The following MCF2L2 variants were observed in gnomAD, a reference collection of about 807,000 sequenced individuals.
MCF2L2 encodes probable guanine nucleotide exchange factor MCF2L2.
Under a neutral mutation model 150.2 loss-of-function variants are expected in MCF2L2, and 102 were observed. The ratio of observed to expected loss-of-function variants is 0.68; its 90% CI spans 0.58 to 0.80. The LOEUF (loss-of-function observed/expected upper bound fraction) is 0.80, where lower values mean the gene tolerates loss of function less well. MCF2L2 is among the 30% of genes least tolerant of loss of function. The pLI is 0.00. For missense variants in MCF2L2, 1,256 were observed against 1,372.8 expected (o/e 0.91, Z 1.34); for synonymous variants, 465 against 491.3 (o/e 0.95, Z 0.71).
intron 3 of MCF2L2, among the ~76,000 whole-genome samples, chr3:183,361,040 A>AG (rs1336195141): frequency 8.0e-4 from 96 of 119,262 alleles, no homozygotes; most frequent in African/African-American, 2.8e-3. Context: ...GAAAAGGAAG[A>AG]AAGGAAAGGA....
At chr3:183,233,780 T>C (rs548975283) in intron 15 of MCF2L2, among the ~76,000 whole-genome samples, 2 of 152,288 alleles carry the variant, frequency 1.3e-5, no homozygotes, top group South Asian at 2.1e-4. Flanking sequence ...GCTTTTATAA[T>C]GGAAAAATAG....
intron 13 of MCF2L2, among the ~76,000 whole-genome samples, chr3:183,294,906 G>A (rs1161972066): frequency 6.6e-6 from 1 of 152,090 alleles, no homozygotes; most frequent in African/African-American, 2.4e-5. Flanking sequence ...GGGATTACAG[G>A]CGTGAGCCAC....
chr3:183,378,122 A>G (rs1251763553), intron 3 of MCF2L2: 1 of 152,232 alleles, frequency 6.6e-6, no homozygotes, highest in African/African-American at 2.4e-5. Flanking sequence ...ATCAGACGCC[A>G]GGCAGCCTCT....
Position 183,300,121 on chromosome 3 carries a change from C to T in MCF2L2, c.1189G>A (p.Ala397Thr). The T allele has an allele frequency of 6.2e-7, 1 of 1,614,048 alleles. No individual in the cohort carries two copies. The highest frequency in any genetic ancestry group is 8.5e-7 in the Non-Finnish European group (1 of 1,179,992). The change falls in exon 11 of 30, where the codon GCC (alanine) becomes ACC (threonine). Residue 397 changes from alanine (A) to threonine (T), a missense_variant. Physicochemically the swap from Ala to Thr is moderately conservative, Grantham distance 58. Transcript: ENST00000328913. ...AGCTCCACACACCGGGGCCTGATGGCATCTGCTGCATAATGGTGGCTTTGG... is the reference window on the plus strand; with the variant it reads ...AGCTCCACACACCGGGGCCTGATGGTATCTGCTGCATAATGGTGGCTTTGG... ...LIQSHHYAAD[A>T]IRPRCVELRH... is the part of the protein sequence containing the mutation.
At chr3:183,304,431 G>T (rs1357961094) in intron 10 of MCF2L2, among the ~76,000 whole-genome samples, 1 of 150,076 alleles carries the variant, frequency 6.7e-6, no homozygotes, top group Non-Finnish European at 1.5e-5. Context: ...ACCCCTACAA[G>T]ATGACTGGAA....
chr3:183,231,016 G>C lies in MCF2L2; in HGVS notation c.1864C>G (p.Arg622Gly). 1 of 1,612,238 alleles carries C rather than the reference G, an allele frequency of 6.2e-7. No homozygotes were observed. The highest frequency in any genetic ancestry group is 8.5e-7 in the Non-Finnish European group (1 of 1,178,686). The change falls in exon 16 of 30, where the codon CGC becomes GGC. Residue 622 changes from arginine (R) to glycine (G), a missense_variant and splice_region_variant. Coordinates refer to ENST00000328913, the MANE Select transcript of MCF2L2 (RefSeq NM_015078.4). ...GTCTCAAGCAAGTCACGTATAATGC[G>C]CCTGAATCACAGCAGCAGGTGGGAG... ...ARLGDLSPRR[R>G]IIRDLLETEE...
intron 27 of MCF2L2, chr3:183,192,653 A>G (rs1721938829): frequency 4.7e-6 from 1 of 214,904 alleles, no homozygotes; most frequent in Non-Finnish European, 9.2e-6. Flanking sequence ...ATGGCATATC[A>G]TTTAAAACTC....
At chr3:183,400,455 G>A in intron 1 of MCF2L2, 1 of 456,558 alleles carries the variant, frequency 2.2e-6, no homozygotes, top group South Asian at 1.5e-5. Context: ...TGAGTATCTA[G>A]GATCTTGCTG....
chr3:183,272,156 A>T (rs555898379), intron 15 of MCF2L2: 96 of 1,000,212 alleles, frequency 9.6e-5, no homozygotes, highest in Non-Finnish European at 1.1e-4. Flanking sequence ...TTAAAGCTGC[A>T]TGTTCCTTGT....
intron 27 of MCF2L2, 139 bp downstream of exon 27, chr3:183,192,860 T>C: frequency 4.9e-6 from 3 of 615,422 alleles, no homozygotes; most frequent in South Asian, 4.3e-5. Context: ...TTAAACCACA[T>C]GGTGGTAAAA....
In MCF2L2 at chr3:183,193,098, T is replaced by C; in HGVS notation, c.2919-2A>G. On this transcript the variant is annotated splice_acceptor_variant, in intron 26 of 29. Coordinates refer to ENST00000328913, the MANE Select transcript of MCF2L2 (RefSeq NM_015078.4). LOFTEE classifies it high-confidence loss of function. ...CCGGATCCTGCTCCACTGCCTTTGC[T>C]TTAGAGAAATAAACATGAATATTGA... is the stretch of plus-strand genomic sequence containing the variant. 3 of 1,612,282 alleles carry C rather than the reference T, an allele frequency of 1.9e-6. No individual in the cohort carries two copies. The highest frequency in any genetic ancestry group is 2.5e-6 in the Non-Finnish European group (3 of 1,178,436).
intron 14 of MCF2L2, among the ~76,000 whole-genome samples, chr3:183,281,759 G>A (rs1386466963): frequency 3.3e-5 from 5 of 152,228 alleles, no homozygotes; most frequent in East Asian, 3.9e-4. Context: ...CTGAAGCCCC[G>A]TTGGAGGGGA....
intron 3 of MCF2L2, among the ~76,000 whole-genome samples, chr3:183,361,038 AGAAAG>A (rs1269624415): frequency 2.0e-4 from 30 of 150,210 alleles, no homozygotes; most frequent in African/African-American, 5.9e-4. Flanking sequence ...AAGAAAAGGA[AGAAAG>A]GAAAGGAAAG....
At chr3:183,261,796 T>C (rs1725609119) in intron 15 of MCF2L2, among the ~76,000 whole-genome samples, 1 of 151,880 alleles carries the variant, frequency 6.6e-6, no homozygotes, top group Admixed American at 6.6e-5. Context: ...TGCCTTCTTA[T>C]ATAGAATTTC....
intron 22 of MCF2L2, among the ~76,000 whole-genome samples, chr3:183,215,422 G>A (rs529490344): frequency 2.0e-5 from 3 of 152,200 alleles, no homozygotes; most frequent in East Asian, 1.9e-4. Flanking sequence ...AGCCTGCTCC[G>A]GATTAACACT....
chr3:183,179,489 G>C lies in MCF2L2; in HGVS notation c.3236C>G (p.Thr1079Ser). Reference sequence around the variant, plus strand: ...GGACGCCCCAGCGCGCTCCTCCTCGGTGCTGCGGGTCGCCCTGCAATTCCG... The same window carrying C: ...GGACGCCCCAGCGCGCTCCTCCTCGCTGCTGCGGGTCGCCCTGCAATTCCG... The part of the protein sequence containing the change: ...RDEEETATRS[T>S]EEERAGASTG... The change falls in exon 30 of 30, where the codon ACC (threonine) becomes AGC (serine). Residue 1079 changes from threonine to serine, a missense_variant. Coordinates refer to ENST00000328913, the MANE Select transcript of MCF2L2 (RefSeq NM_015078.4). The surrounding 1 kb of genome is among the most constrained non-coding windows in gnomAD (Gnocchi z 4.2). 1 of 1,608,406 alleles carries C rather than the reference G, an allele frequency of 6.2e-7. No individual in the cohort carries two copies. Among genetic ancestry groups the C allele is most frequent in the Non-Finnish European group, 8.5e-7 (1 of 1,176,862 alleles).
rs1426255646 is a variant in MCF2L2 at position 183,419,998 on chromosome 3, T to C, written c.76+7904A>G. On this transcript the variant is annotated intron_variant, in intron 1 of 29. Coordinates refer to ENST00000328913, the MANE Select transcript of MCF2L2 (RefSeq NM_015078.4). Reference sequence around the variant, plus strand: ...AGGGGCAAAATGCCACCAGTTTCTTTGCTAAAGTATAGCATGAGTGACCTT... The same window carrying C: ...AGGGGCAAAATGCCACCAGTTTCTTCGCTAAAGTATAGCATGAGTGACCTT... Among the ~76,000 whole-genome samples, 5 of 152,390 alleles carry C rather than the reference T, an allele frequency of 3.3e-5. No individual in the cohort carries two copies. The East Asian group carries it at 7.7e-4, about 23-fold the overall frequency.
At chr3:183,421,844 G>A (rs996222189) in intron 1 of MCF2L2, among the ~76,000 whole-genome samples, 3 of 152,228 alleles carry the variant, frequency 2.0e-5, no homozygotes, top group African/African-American at 7.2e-5. Flanking sequence ...TAGCTAGACT[G>A]TTTTAGTGAA....
At chr3:183,318,010 G>T in intron 7 of MCF2L2, 58 bp downstream of exon 7, 1 of 1,587,118 alleles carries the variant, frequency 6.3e-7, no homozygotes, top group African/African-American at 1.3e-5. Flanking sequence ...CTCTCTCCGA[G>T]AGGCAGGCAT....
Sources: gnomAD v4.1 joint callset for allele counts (sites outside exome capture counted in the v4.1 genomes callset) on GRCh38, gnomAD v4.1.1 for gene constraint, Gnocchi (gnomAD v3.1) non-coding constraint, MANE v1.5 for transcripts, NCBI Gene and HGNC (gene_info 2026-07-23, HGNC 2026-07-21) for gene names.